The following NCOA3 variants were observed in gnomAD, a reference collection of about 807,000 sequenced individuals.
NCOA3 encodes the protein CBP-interacting protein.
In NCOA3, 51 loss-of-function variants were observed where a neutral mutation model predicts 158.8. The observed-to-expected ratio is 0.32, with a 90% CI of 0.26 to 0.41. The LOEUF (loss-of-function observed/expected upper bound fraction) is 0.41, where lower values mean the gene tolerates loss of function less well. Among genes scored for constraint, NCOA3 ranks in the 10% least tolerant of loss-of-function variants. The pLI is 1.00. For synonymous variants in NCOA3, 537 were observed against 592.4 expected (o/e 0.91, Z 1.36); for missense variants, 1,510 against 1,746.6 (o/e 0.86, Z 2.41).
chr20:47,593,100 A>T (rs904145818), intron 2 of NCOA3, among the ~76,000 whole-genome samples: 2 of 151,880 alleles, frequency 1.3e-5, no homozygotes, highest in African/African-American at 4.8e-5. Flanking sequence ...CACCCTGCTA[A>T]TGTTTTGTAT....
In NCOA3 at chr20:47,642,287, C is replaced by T. The variant is rs1319152686; in HGVS notation, c.3155C>T (p.Ala1052Val). The T allele has an allele frequency of 6.2e-7, 1 of 1,613,160 alleles. No individual in the cohort carries two copies. Among genetic ancestry groups the T allele is most frequent in the Admixed American group, 1.7e-5 (1 of 59,764 alleles). ...SNLEGQSDER[A>V]LLDQLHTLLS... The stretch of plus-strand genomic sequence containing the variant: ...CTGGAAGGCCAGAGTGACGAAAGAG[C>T]ATTATTGGACCAGCTGCACACTCTT... Residue 1052 changes from alanine to valine, a missense_variant, in exon 17 of 23, where the codon GCA becomes GTA. Physicochemically the swap from Ala to Val is moderately conservative, Grantham distance 64. This residue lies in a region of NCOA3 where 1,017 missense variants were observed against 1,098.3 expected (regional missense o/e 0.93). Transcript: ENST00000371998.
At chr20:47,642,108 C>A in intron 16 of NCOA3, 105 bp from the exon 17 acceptor site, 1 of 827,414 alleles carries the variant, frequency 1.2e-6, no homozygotes, top group Non-Finnish European at 1.8e-6. Flanking sequence ...GTGTTTGTAG[C>A]ATTTGAGTTA....
In NCOA3 at chr20:47,550,689, C is replaced by T. The variant is rs1452984377; in HGVS notation, c.-98-32494C>T. ...CTCTTATCATGTAATTAAGATTATA[C>T]TGAAAGAATTGAATGACATCGCTTT... On this transcript the variant is annotated intron_variant, in intron 1 of 22. Transcript: ENST00000371998. Among the ~76,000 whole-genome samples the T allele has an allele frequency of 9.2e-5, 14 of 152,190 alleles. No homozygotes were observed. The East Asian group carries it at 2.7e-3, about 29-fold the overall frequency.
At chr20:47,514,713 C>CTTTTTTT (rs143888226) in intron 1 of NCOA3, among the ~76,000 whole-genome samples, 2 of 104,998 alleles carry the variant, frequency 1.9e-5, no homozygotes, top group Non-Finnish European at 3.9e-5. Flanking sequence ...TTGTTTTTTG[C>CTTTTTTT]TTTTTTTTTT....
intron 1 of NCOA3, among the ~76,000 whole-genome samples, chr20:47,527,995 A>G (rs868398170): frequency 3.3e-5 from 5 of 152,108 alleles, no homozygotes; most frequent in South Asian, 4.1e-4. Flanking sequence ...AGTTCTTAGG[A>G]AAAAAACTCA....
intron 8 of NCOA3, among the ~76,000 whole-genome samples, 172 bp from the exon 9 acceptor site, chr20:47,633,324 G>A (rs1008481243): frequency 6.6e-6 from 1 of 152,156 alleles, no homozygotes; most frequent in African/African-American, 2.4e-5. Flanking sequence ...GAATCCTGTG[G>A]TGCTATGTCT....
chr20:47,580,700 A>G (rs1445830073), intron 1 of NCOA3, among the ~76,000 whole-genome samples: 2 of 152,210 alleles, frequency 1.3e-5, no homozygotes, highest in Admixed American at 6.5e-5. Context: ...AACCTGATTT[A>G]AAACAGGGCC....
At chr20:47,560,797 C>T (rs1407168349) in intron 1 of NCOA3, among the ~76,000 whole-genome samples, 1 of 152,012 alleles carries the variant, frequency 6.6e-6, no homozygotes, top group Non-Finnish European at 1.5e-5. Flanking sequence ...ATGTGTTAAA[C>T]ATTTTTCTCA....
chr20:47,594,171 A>G (rs1221843801), intron 2 of NCOA3, among the ~76,000 whole-genome samples: 1 of 152,222 alleles, frequency 6.6e-6, no homozygotes, highest in Non-Finnish European at 1.5e-5. Flanking sequence ...CCAGATGGGA[A>G]CTAGGAAGAG....
At chr20:47,567,020 G>GTATGTATGTATT (rs1347300906) in intron 1 of NCOA3, among the ~76,000 whole-genome samples, 264 of 109,292 alleles carry the variant, frequency 2.4e-3, no homozygotes, top group South Asian at 6.1e-3. Flanking sequence ...TACTATGTAT[G>GTATGTATGTATT]TATGTATGTA....
At chr20:47,618,098 G>A (rs147680601) in intron 2 of NCOA3, among the ~76,000 whole-genome samples, 8 of 151,986 alleles carry the variant, frequency 5.3e-5, no homozygotes, top group Non-Finnish European at 8.8e-5. Context: ...TTAGCCAGGC[G>A]TGGTGGCACA....
intron 1 of NCOA3, among the ~76,000 whole-genome samples, chr20:47,576,788 A>G (rs1199295577): frequency 6.6e-6 from 1 of 152,198 alleles, no homozygotes; most frequent in Non-Finnish European, 1.5e-5. Context: ...CCCTGTAGCA[A>G]TTCTTGTGGA....
intron 1 of NCOA3, among the ~76,000 whole-genome samples, chr20:47,515,122 A>T (rs926384673): frequency 4.6e-5 from 7 of 152,170 alleles, no homozygotes; most frequent in African/African-American, 1.7e-4. Flanking sequence ...CCAGGGACAG[A>T]CACACAAATA....
At chr20:47,513,908 A>G (rs2084188189) in intron 1 of NCOA3, among the ~76,000 whole-genome samples, 1 of 152,100 alleles carries the variant, frequency 6.6e-6, no homozygotes, top group African/African-American at 2.4e-5. Context: ...AATATATTAT[A>G]CATCAATTTA....
intron 2 of NCOA3, among the ~76,000 whole-genome samples, chr20:47,593,171 G>C (rs974960417): frequency 6.6e-6 from 1 of 151,890 alleles, no homozygotes; most frequent in South Asian, 2.1e-4. Context: ...GACCTCAGGT[G>C]ATCCACCTGC....
chr20:47,640,093 G>C, intron 16 of NCOA3, 42 bp downstream of exon 16: 4 of 1,612,710 alleles, frequency 2.5e-6, no homozygotes, highest in Non-Finnish European at 3.4e-6. Context: ...TCTCAGCATT[G>C]GGTAGTTTAG....
intron 1 of NCOA3, among the ~76,000 whole-genome samples, chr20:47,503,365 A>G (rs1417659808): frequency 6.6e-6 from 1 of 152,210 alleles, no homozygotes; most frequent in Non-Finnish European, 1.5e-5. Context: ...TTTTAAATGT[A>G]TGCTCATTTA....
Position 47,626,253 on chromosome 20 carries a change from G to A in NCOA3, c.358-749G>A, listed in dbSNP as rs1431776086. Among the ~76,000 whole-genome samples, 4 of 152,202 alleles carry A rather than the reference G, an allele frequency of 2.6e-5. No homozygotes were observed. In the East Asian group the frequency reaches 7.7e-4, roughly 29 times the overall value. On this transcript the variant is annotated intron_variant, in intron 5 of 22. Transcript: ENST00000371998. ...AACTTCTTTTTGTTTCAGGTAGTTT[G>A]TTCCAACTACTTTTAGTTGATCAGT...
intron 1 of NCOA3, among the ~76,000 whole-genome samples, chr20:47,555,627 A>G (rs1162775243): frequency 6.8e-6 from 1 of 147,088 alleles, no homozygotes; most frequent in East Asian, 2.0e-4. Context: ...AGATACTATT[A>G]AAGTGTTTTT....
Sources: gnomAD v4.1 joint callset for allele counts (sites outside exome capture counted in the v4.1 genomes callset) on GRCh38, gnomAD v4.1.1 for gene constraint, gnomAD v4.1.1 regional missense constraint, MANE v1.5 for transcripts, NCBI Gene and HGNC (gene_info 2026-07-23, HGNC 2026-07-21) for gene names.